HPSE2: variants seen among roughly 807,000 people sequenced by gnomAD.
HPSE2 encodes the protein inactive heparanase-2.
HPSE2 carries 38 observed loss-of-function variants against 60.5 expected under a neutral mutation model. That is an observed-to-expected ratio of 0.63 (90% confidence interval 0.48 to 0.82). HPSE2 has a LOEUF of 0.82. Ranked by LOEUF, HPSE2 falls within the 40% of genes least tolerant of loss-of-function variation. The pLI is 0.00. For synonymous variants in HPSE2, 295 were observed against 293.2 expected, an observed-to-expected ratio of 1.01 and a Z score of -0.06; for missense variants, 713 against 740.4, an observed-to-expected ratio of 0.96 and a Z score of 0.43.
chr10:99,192,603 A>ATT (rs71009730), intron 2 of HPSE2, among the ~76,000 whole-genome samples: 4,212 of 150,702 alleles, frequency 0.028, 192 homozygotes, highest in African/African-American at 0.096. Context: ...TATCTGGCTA[A>ATT]TTTTTTTTTT....
chr10:98,879,483 G>C (rs1275109918), intron 3 of HPSE2, among the ~76,000 whole-genome samples: 2 of 151,988 alleles, frequency 1.3e-5, no homozygotes, highest in Non-Finnish European at 2.9e-5. Flanking sequence ...TGTCTGGTGA[G>C]GACGCACTTT....
rs568681578 is a variant in HPSE2 at position 98,589,725 on chromosome 10, G to GCT, written c.1320+25177_1320+25178dup. On this transcript the variant is annotated intron_variant, in intron 9 of 11. Coordinates refer to ENST00000370552, the MANE Select transcript of HPSE2 (RefSeq NM_021828.5). Reference sequence around the variant, plus strand: ...CCATCACCCTGTCACCATCCAGACTGCTCTCCCTAAAAGTATTTGCAAGTT... The same window carrying GCT: ...CCATCACCCTGTCACCATCCAGACTGCTCTCTCCCTAAAAGTATTTGCAAGTT... 4.3e-3 allele frequency among the ~76,000 whole-genome samples: 648 copies of GCT among 152,236 alleles called. 3 individuals are homozygous for GCT. Among genetic ancestry groups the GCT allele is most frequent in the African/African-American group, 0.015 (626 of 41,546 alleles).
At chr10:98,637,753 G>A (rs1411118224) in intron 7 of HPSE2, among the ~76,000 whole-genome samples, 4 of 152,136 alleles carry the variant, frequency 2.6e-5, no homozygotes, top group Non-Finnish European at 5.9e-5. Flanking sequence ...TGGGCCTAAT[G>A]GGGTCCTTAG....
intron 6 of HPSE2, among the ~76,000 whole-genome samples, chr10:98,665,064 G>A (rs1947327161): frequency 6.6e-6 from 1 of 152,076 alleles, no homozygotes. Context: ...AATGATCCAA[G>A]AACTGAAAGA....
chr10:98,663,997 C>T (rs902389676), intron 6 of HPSE2, among the ~76,000 whole-genome samples: 3 of 152,114 alleles, frequency 2.0e-5, no homozygotes, highest in Non-Finnish European at 4.4e-5. Context: ...ATGGCTGACT[C>T]CACCCACCCC....
intron 3 of HPSE2, among the ~76,000 whole-genome samples, chr10:98,768,947 C>T (rs2801412): frequency 1.3e-5 from 2 of 151,888 alleles, no homozygotes; most frequent in Admixed American, 6.6e-5. Context: ...CTACTCAGAC[C>T]GAAGCAGGAG....
intron 3 of HPSE2, among the ~76,000 whole-genome samples, chr10:98,931,663 T>A (rs1954644133): frequency 7.0e-6 from 1 of 143,734 alleles, no homozygotes; most frequent in Non-Finnish European, 1.5e-5. Context: ...TTTGTAGTTC[T>A]CCTTGAAGAG....
the HPSE2 span, among the ~76,000 whole-genome samples, chr10:99,303,033 C>T: frequency 3.3e-5 from 5 of 152,198 alleles, no homozygotes; most frequent in South Asian, 2.1e-4. Flanking sequence ...GATCATCCCA[C>T]GATTTGGATT....
At chr10:98,667,789 A>G (rs1227254450) in intron 6 of HPSE2, among the ~76,000 whole-genome samples, 1 of 152,202 alleles carries the variant, frequency 6.6e-6, no homozygotes, top group Non-Finnish European at 1.5e-5. Flanking sequence ...TCAAAATAAT[A>G]AAAGCCATCT....
chr10:99,080,012 A>G (rs1449310530), intron 3 of HPSE2, among the ~76,000 whole-genome samples: 2 of 152,174 alleles, frequency 1.3e-5, no homozygotes, highest in Non-Finnish European at 2.9e-5. Flanking sequence ...AATTCTTGTG[A>G]AAGGGTATCC....
rs1036887496 is a variant in HPSE2 at position 98,931,137 on chromosome 10, A to C, written c.611-187081T>G. Among the ~76,000 whole-genome samples the C allele has an allele frequency of 6.2e-5, 9 of 144,004 alleles. 1 individual carries two copies. The highest frequency in any genetic ancestry group is 2.5e-4 in the African/African-American group (9 of 35,438). The allele number at this position is 144,004 out of a possible 152,430, so 94.5% of individuals were successfully genotyped here. On this transcript the variant is annotated intron_variant, in intron 3 of 11. Coordinates refer to ENST00000370552, the MANE Select transcript of HPSE2 (RefSeq NM_021828.5). ...TAAGTCTTTAATCCATCTTGAGTTA[A>C]TTTTTGTAAAAGGTGTAAGGAAGAG...
At chr10:98,637,815 G>T (rs1426349162) in intron 7 of HPSE2, among the ~76,000 whole-genome samples, 3 of 152,160 alleles carry the variant, frequency 2.0e-5, no homozygotes, top group Non-Finnish European at 1.5e-5. Flanking sequence ...TAGCTTTGGG[G>T]TGAAGGTTCT....
chr10:98,547,861 G>T (rs1325353081), intron 9 of HPSE2, among the ~76,000 whole-genome samples: 1 of 151,794 alleles, frequency 6.6e-6, no homozygotes, highest in Non-Finnish European at 1.5e-5. Context: ...ACAAACTCAA[G>T]TGACGATATT....
chr10:98,760,525 C>A (rs1949982200), intron 3 of HPSE2, among the ~76,000 whole-genome samples: 1 of 151,866 alleles, frequency 6.6e-6, no homozygotes, highest in Non-Finnish European at 1.5e-5. Context: ...TGAATTTTAT[C>A]CAATAATTTT....
At chr10:99,257,314 G>C in the HPSE2 span, among the ~76,000 whole-genome samples, 4 of 152,184 alleles carry the variant, frequency 2.6e-5, no homozygotes, top group African/African-American at 9.7e-5. Context: ...TGGTGAGCCG[G>C]GCAGAACAGA....
At chr10:99,161,218 T>TA (rs79998038) in intron 2 of HPSE2, among the ~76,000 whole-genome samples, 3,303 of 132,740 alleles carry the variant, frequency 0.025, 56 homozygotes, top group African/African-American at 0.051. Flanking sequence ...GAGACTCTGT[T>TA]AAAAAAAAAA....
At chr10:98,846,957 G>A (rs1952050264) in intron 3 of HPSE2, among the ~76,000 whole-genome samples, 1 of 152,188 alleles carries the variant, frequency 6.6e-6, no homozygotes, top group African/African-American at 2.4e-5. Flanking sequence ...ATCAGAGGGT[G>A]TGTATATGCA....
intron 9 of HPSE2, among the ~76,000 whole-genome samples, chr10:98,528,063 A>G (rs1024368128): frequency 6.6e-6 from 1 of 151,920 alleles, no homozygotes; most frequent in African/African-American, 2.4e-5. Flanking sequence ...CTTTGAAAAA[A>G]CTTTTTTTTC....
chr10:98,603,213 A>ACAACC (rs1183221775), intron 9 of HPSE2, among the ~76,000 whole-genome samples: 1 of 152,186 alleles, frequency 6.6e-6, no homozygotes, highest in African/African-American at 2.4e-5. Context: ...ACTGCAGCAG[A>ACAACC]CAACCTGAAC....
Sources: gnomAD v4.1 joint callset for allele counts (sites outside exome capture counted in the v4.1 genomes callset) on GRCh38, gnomAD v4.1.1 for gene constraint, MANE v1.5 for transcripts, NCBI Gene and HGNC (gene_info 2026-07-23, HGNC 2026-07-21) for gene names.